Variants in CBR4 observed in about 807,000 individuals in gnomAD.
CBR4 encodes the protein 3-oxoacyl-[acyl-carrier-protein] reductase.
A neutral mutation model predicts 21.0 loss-of-function variants in CBR4; 22 were observed. That is an observed-to-expected ratio of 1.05 (90% CI 0.75 to 1.50). The LOEUF is 1.50. Among genes scored for constraint, CBR4 ranks in the 40% most tolerant of loss-of-function variants. The pLI is 0.00. For missense variants in CBR4, 302 were observed against 286.3 expected (o/e 1.05, Z -0.40); for synonymous variants, 100 against 104.4 (o/e 0.96, Z 0.26).
At chr4:168,948,604 AC>A (rs1763458143) in intron 2 of CBR4, among the ~76,000 whole-genome samples, 1 of 152,072 alleles carries the variant, frequency 6.6e-6, no homozygotes, top group South Asian at 2.1e-4. Flanking sequence ...TTATCCCAGC[AC>A]CATTTGTTGA....
At chr4:168,929,591 C>T (rs1212183037) in intron 2 of CBR4, among the ~76,000 whole-genome samples, 1 of 152,094 alleles carries the variant, frequency 6.6e-6, no homozygotes, top group Admixed American at 6.6e-5. Flanking sequence ...AGTTTGACCC[C>T]TTTAAATTAT....
intron 1 of CBR4, 150 bp from the exon 2 acceptor site, chr4:169,007,906 T>C (rs1731055980): frequency 2.1e-6 from 1 of 477,598 alleles, no homozygotes; most frequent in Non-Finnish European, 3.6e-6. Context: ...CTGGCTTTCA[T>C]AGAGTTGGTC....
At chr4:168,948,366 T>C (rs1763451104) in intron 2 of CBR4, among the ~76,000 whole-genome samples, 1 of 152,216 alleles carries the variant, frequency 6.6e-6, no homozygotes, top group Non-Finnish European at 1.5e-5. Context: ...AAAAACTCTT[T>C]AGTTTAAGTC....
chr4:168,918,687 A>G (rs1317336191), intron 2 of CBR4, among the ~76,000 whole-genome samples: 2 of 152,050 alleles, frequency 1.3e-5, no homozygotes, highest in Non-Finnish European at 2.9e-5. Context: ...AAGTGTTCTT[A>G]CTACAAAAAA....
intron 2 of CBR4, among the ~76,000 whole-genome samples, chr4:168,980,738 A>G (rs1047867632): frequency 6.6e-6 from 1 of 152,250 alleles, no homozygotes; most frequent in East Asian, 1.9e-4. Context: ...TCTATCTCAA[A>G]AAAAGAAAGA....
chr4:169,009,268 CATA>C (rs1360533619), intron 1 of CBR4, among the ~76,000 whole-genome samples: 4 of 152,226 alleles, frequency 2.6e-5, no homozygotes, highest in Non-Finnish European at 4.4e-5. Flanking sequence ...CTAATCCATT[CATA>C]ATAAGCCGGA....
chr4:169,003,781 A>G (rs1448227142), intron 3 of CBR4, among the ~76,000 whole-genome samples: 1 of 152,240 alleles, frequency 6.6e-6, no homozygotes, highest in Non-Finnish European at 1.5e-5. Context: ...AAAAATGATG[A>G]GTTCATGTCC....
chr4:168,965,455 C>T (rs992770106), intron 2 of CBR4, among the ~76,000 whole-genome samples: 1 of 152,142 alleles, frequency 6.6e-6, no homozygotes, highest in East Asian at 1.9e-4. Context: ...CAATCCTAAG[C>T]AAAAAGAACA....
At chr4:168,936,024 A>G (rs1440276628) in intron 2 of CBR4, among the ~76,000 whole-genome samples, 1 of 152,176 alleles carries the variant, frequency 6.6e-6, no homozygotes, top group Non-Finnish European at 1.5e-5. Context: ...CATCTCATAC[A>G]GGACAGCTCC....
At chr4:168,972,445 T>C (rs552972488) in intron 2 of CBR4, among the ~76,000 whole-genome samples, 35 of 152,342 alleles carry the variant, frequency 2.3e-4, no homozygotes, top group Admixed American at 2.3e-3. Context: ...TTGTGTCATC[T>C]ATGATTTCTT....
chr4:169,008,008 A>G (rs1731066356), intron 1 of CBR4, among the ~76,000 whole-genome samples: 2 of 152,126 alleles, frequency 1.3e-5, no homozygotes, highest in African/African-American at 4.8e-5. Context: ...CAAAGGGGGG[A>G]GGGCTTTTTC....
rs1221404324 is a variant in CBR4, at chr4:169,002,187, T to A, written c.419A>T (p.Lys140Ile). 1 of 1,456,976 alleles carries A rather than the reference T, an allele frequency of 6.9e-7. No homozygotes were observed. The highest frequency in any genetic ancestry group is 1.5e-5 in the African/African-American group (1 of 65,110). The allele number at this position is 1,456,976 out of a possible 1,614,324, so 90.3% of individuals were successfully genotyped here. ...GTAAACGGACTGGCCAGAGTTGCCT[T>A]TTAAGCCAACAATGCTTCCTAGGAC... ...IVNVGSIVGL[K>I]GNSGQSVYSA... The change falls in exon 4 of 5, where the codon AAA (lysine) becomes ATA (isoleucine). Residue 140 changes from lysine to isoleucine, a missense_variant. By Grantham distance (102) the Lys-to-Ile change is moderately radical (BLOSUM62 -3). Transcript: ENST00000306193.
chr4:168,896,330 C>A (rs146894478), intron 2 of CBR4, among the ~76,000 whole-genome samples: 1 of 152,102 alleles, frequency 6.6e-6, no homozygotes, highest in Non-Finnish European at 1.5e-5. Context: ...AATCATCTAA[C>A]ACAAAGCCTA....
chr4:168,926,189 T>C (rs1762558013), intron 2 of CBR4: 2 of 1,492,928 alleles, frequency 1.3e-6, no homozygotes, highest in African/African-American at 2.8e-5. Flanking sequence ...ATTAAAAATC[T>C]TAATTTACTC....
At chr4:168,972,022 C>G (rs979851095) in intron 2 of CBR4, among the ~76,000 whole-genome samples, 2 of 152,208 alleles carry the variant, frequency 1.3e-5, no homozygotes, top group Non-Finnish European at 2.9e-5. Context: ...CCAATTATCT[C>G]AGCACCATTT....
At chr4:168,900,009 G>A (rs1029027076) in intron 2 of CBR4, among the ~76,000 whole-genome samples, 11 of 152,050 alleles carry the variant, frequency 7.2e-5, no homozygotes, top group Non-Finnish European at 1.0e-4. Context: ...CTCCTGGTGC[G>A]GCCTCAGGAA....
At chr4:169,005,755 C>T in intron 3 of CBR4, 4 of 544,970 alleles carry the variant, frequency 7.3e-6, no homozygotes, top group South Asian at 7.1e-5. Flanking sequence ...GAGTAAATGT[C>T]CAAAATGCTC....
intron 2 of CBR4, among the ~76,000 whole-genome samples, chr4:168,910,483 A>T (rs1242870931): frequency 6.6e-6 from 1 of 152,178 alleles, no homozygotes; most frequent in Non-Finnish European, 1.5e-5. Context: ...TTCTAATACC[A>T]AGAAAAATAA....
chr4:168,897,843 T>C (rs940286529), intron 2 of CBR4: 1 of 151,590 alleles, frequency 6.6e-6, no homozygotes, highest in African/African-American at 2.4e-5. Context: ...TAAAGCAAAA[T>C]TTTGGCTAGA....
Sources: gnomAD v4.1 joint callset for allele counts (sites outside exome capture counted in the v4.1 genomes callset) on GRCh38, gnomAD v4.1.1 for gene constraint, MANE v1.5 for transcripts, NCBI Gene and HGNC (gene_info 2026-07-23, HGNC 2026-07-21) for gene names.